Variants in CLYBL observed in about 807,000 individuals in gnomAD.
CLYBL encodes the protein citramalyl-CoA lyase, mitochondrial.
A neutral mutation model predicts 38.9 loss-of-function variants in CLYBL; 31 were observed. The observed-to-expected ratio is 0.80, with a 90% CI of 0.60 to 1.08. The LOEUF (loss-of-function observed/expected upper bound fraction) is 1.08, where lower values mean the gene tolerates loss of function less well. Among genes scored for constraint, CLYBL ranks in the 50% least tolerant of loss-of-function variants. CLYBL has a pLI of 0.00. For synonymous variants in CLYBL, 171 were observed against 158.6 expected, an observed-to-expected ratio of 1.08 and a Z score of -0.59; for missense variants, 434 against 411.6, an observed-to-expected ratio of 1.05 and a Z score of -0.47.
intron 2 of CLYBL, among the ~76,000 whole-genome samples, chr13:99,817,474 C>T (rs1351364393): frequency 1.2e-4 from 18 of 151,536 alleles, no homozygotes; most frequent in Non-Finnish European, 2.2e-4. Flanking sequence ...CTGGCTAACA[C>T]GAAACCCCGT....
exon 10 of CLYBL, among the ~76,000 whole-genome samples, chr13:99,909,155 T>G (rs115244801): frequency 6.6e-6 from 1 of 152,256 alleles, no homozygotes; most frequent in South Asian, 2.1e-4. Flanking sequence ...CAACACCATA[T>G]GGAAAAGCAA....
intron 1 of CLYBL, among the ~76,000 whole-genome samples, chr13:99,673,370 A>G (rs2047595667): frequency 6.6e-6 from 1 of 150,618 alleles, no homozygotes; most frequent in Non-Finnish European, 1.5e-5. Context: ...GTGAGATAGC[A>G]CCACTGCACT....
intron 1 of CLYBL, among the ~76,000 whole-genome samples, chr13:99,685,243 C>T (rs2047799292): frequency 6.6e-6 from 1 of 152,068 alleles, no homozygotes; most frequent in South Asian, 2.1e-4. Flanking sequence ...TTGTTTCAAA[C>T]TTTATACCTT....
At chr13:99,646,209 G>A (rs2047173567) in intron 1 of CLYBL, among the ~76,000 whole-genome samples, 1 of 152,160 alleles carries the variant, frequency 6.6e-6, no homozygotes, top group African/African-American at 2.4e-5. Flanking sequence ...ATCAGGCACT[G>A]CTTTTATATT....
intron 1 of CLYBL, among the ~76,000 whole-genome samples, chr13:99,730,594 T>C (rs2139568796): frequency 6.6e-6 from 1 of 152,282 alleles, no homozygotes; most frequent in South Asian, 2.1e-4. Flanking sequence ...GTGGAGCCTC[T>C]GAGCAGAGGA....
At chr13:99,666,591 C>T (rs2139348600) in intron 1 of CLYBL, among the ~76,000 whole-genome samples, 1 of 152,250 alleles carries the variant, frequency 6.6e-6, no homozygotes, top group South Asian at 2.1e-4. Flanking sequence ...AGATGTTGGC[C>T]AGCTCCCGAA....
chr13:99,773,355 C>G (rs897513987), intron 2 of CLYBL, among the ~76,000 whole-genome samples: 2 of 152,190 alleles, frequency 1.3e-5, no homozygotes, highest in Non-Finnish European at 2.9e-5. Context: ...TGGACCAGTA[C>G]AGGCCACAAT....
intron 2 of CLYBL, among the ~76,000 whole-genome samples, chr13:99,845,186 T>C (rs1298917860): frequency 1.3e-5 from 2 of 152,144 alleles, no homozygotes; most frequent in African/African-American, 4.8e-5. Context: ...GGATACAATT[T>C]CGTTTTGACG....
Position 99,731,424 on chromosome 13 carries a change from A to G in CLYBL, c.63-41400A>G, listed in dbSNP as rs540478697. Among the ~76,000 whole-genome samples, 4 of 151,794 alleles carry G rather than the reference A, an allele frequency of 2.6e-5. No homozygotes were observed. The South Asian group carries it at 8.3e-4, about 32-fold the overall frequency. On this transcript the variant is annotated intron_variant, in intron 1 of 8. Coordinates refer to ENST00000339105, the MANE Select transcript of CLYBL (RefSeq NM_206808.5). ...CATGGTGGGAGGATTACTTGAGGCC[A>G]GGAGTTTGAGATCAGCCTAAGTAAC...
chr13:99,906,704 G>A (rs1217499995), intron 9 of CLYBL, among the ~76,000 whole-genome samples: 2 of 152,222 alleles, frequency 1.3e-5, no homozygotes, highest in Admixed American at 6.5e-5. Context: ...GCTTACAGGC[G>A]TGAGCCACCG....
chr13:99,610,359 T>C (rs1189247198), intron 1 of CLYBL, among the ~76,000 whole-genome samples: 6 of 152,232 alleles, frequency 3.9e-5, no homozygotes, highest in Admixed American at 3.9e-4. Flanking sequence ...TCGTTGCATG[T>C]CTTGTATATT....
intron 1 of CLYBL, among the ~76,000 whole-genome samples, chr13:99,683,507 T>A (rs1250149256): frequency 6.6e-6 from 1 of 152,156 alleles, no homozygotes; most frequent in African/African-American, 2.4e-5. Flanking sequence ...TTAATTTTTA[T>A]TTTTTATACT....
intron 1 of CLYBL, among the ~76,000 whole-genome samples, chr13:99,608,166 G>T (rs1026938520): frequency 1.4e-5 from 2 of 147,614 alleles, no homozygotes; most frequent in African/African-American, 5.1e-5. Flanking sequence ...CCGCCTCCCG[G>T]ATTCAAGTGA....
chr13:99,786,274 G>A (rs1275640681), intron 2 of CLYBL, among the ~76,000 whole-genome samples: 5 of 138,308 alleles, frequency 3.6e-5, no homozygotes, highest in African/African-American at 1.1e-4. Context: ...TGTTACATAT[G>A]TATACCTGTG....
chr13:99,686,318 A>G (rs1410913759), intron 1 of CLYBL, among the ~76,000 whole-genome samples: 2 of 152,202 alleles, frequency 1.3e-5, no homozygotes, highest in Admixed American at 1.3e-4. Flanking sequence ...GGCAGCTCCT[A>G]GTGCTGAGCT....
intron 2 of CLYBL, among the ~76,000 whole-genome samples, chr13:99,807,425 C>G (rs958456833): frequency 2.0e-5 from 3 of 152,114 alleles, no homozygotes; most frequent in South Asian, 4.2e-4. Context: ...GCCAAAAGGT[C>G]GAAGCAACCT....
At chr13:99,672,786 A>G (rs547443324) in intron 1 of CLYBL, among the ~76,000 whole-genome samples, 2 of 152,104 alleles carry the variant, frequency 1.3e-5, no homozygotes, top group South Asian at 2.1e-4. Flanking sequence ...TATATATTAA[A>G]CAGCAACAAT....
rs2049608566 is a variant in CLYBL at position 99,780,060 on chromosome 13, G to T, written c.249+7050G>T. 3.3e-5 allele frequency among the ~76,000 whole-genome samples: 5 copies of T among 152,070 alleles called. No individual in the cohort carries two copies. In the South Asian group the frequency reaches 1.0e-3, roughly 32 times the overall value. On this transcript the variant is annotated intron_variant, in intron 2 of 8. Coordinates refer to ENST00000339105, the MANE Select transcript of CLYBL (RefSeq NM_206808.5). The stretch of plus-strand genomic sequence containing the variant: ...CTTTACCGACTTCTATCTGCTTGAT[G>T]TGTCAAAAATTGAGAGAGTCTAGTT...
chr13:99,790,882 T>C lies in CLYBL; in HGVS notation c.249+17872T>C, dbSNP rs375530714. 1.2e-3 allele frequency among the ~76,000 whole-genome samples: 177 copies of C among 152,338 alleles called. 1 individual carries two copies. In the Middle Eastern group the frequency reaches 0.024, roughly 20 times the overall value. ...TCCTATGACTTTTCATTTCTAGGTA[T>C]GTTTCTGTGTTGGGGTGAGGCATAT... is the stretch of plus-strand genomic sequence containing the variant. On this transcript the variant is annotated intron_variant, in intron 2 of 8. Transcript: ENST00000339105.
Sources: gnomAD v4.1 joint callset for allele counts (sites outside exome capture counted in the v4.1 genomes callset) on GRCh38, gnomAD v4.1.1 for gene constraint, MANE v1.5 for transcripts, NCBI Gene and HGNC (gene_info 2026-07-23, HGNC 2026-07-21) for gene names.